The following SNTG1 variants were observed in gnomAD, a reference collection of about 807,000 sequenced individuals.
SNTG1 encodes gamma-1-syntrophin.
SNTG1 carries 39 observed loss-of-function variants against 74.7 expected under a neutral mutation model. The observed-to-expected ratio is 0.52, with a 90% CI of 0.40 to 0.68. The LOEUF is 0.68. SNTG1 is among the 30% of genes least tolerant of loss of function. The pLI, the probability that SNTG1 is intolerant of heterozygous loss-of-function variation, is 0.00. For missense variants in SNTG1, 685 were observed against 609.5 expected (o/e 1.12, Z -1.30); for synonymous variants, 254 against 217.1 (o/e 1.17, Z -1.49).
intron 8 of SNTG1, among the ~76,000 whole-genome samples, chr8:50,464,350 T>A (rs1417308029): frequency 1.3e-5 from 2 of 152,130 alleles, no homozygotes; most frequent in Non-Finnish European, 2.9e-5. Context: ...CCTCACTAAG[T>A]TTAATAAGTT....
intron 2 of SNTG1, among the ~76,000 whole-genome samples, chr8:50,200,259 G>A (rs1043695039): frequency 2.6e-5 from 4 of 152,126 alleles, no homozygotes; most frequent in Non-Finnish European, 4.4e-5. Flanking sequence ...TCCAAGGGTC[G>A]CATTGAGCAA....
intron 9 of SNTG1, among the ~76,000 whole-genome samples, chr8:50,521,545 C>G (rs1585560558): frequency 6.6e-6 from 1 of 152,254 alleles, no homozygotes; most frequent in South Asian, 2.1e-4. Flanking sequence ...TTTGGAATGG[C>G]TATGACAATT....
intron 2 of SNTG1, among the ~76,000 whole-genome samples, chr8:50,237,032 A>G (rs573689409): frequency 4.1e-4 from 62 of 152,316 alleles, no homozygotes; most frequent in African/African-American, 1.4e-3. Flanking sequence ...AATTTCCCCA[A>G]TTGTTACAGA....
At chr8:50,321,493 CTA>C (rs2090527774) in intron 2 of SNTG1, among the ~76,000 whole-genome samples, 1 of 152,034 alleles carries the variant, frequency 6.6e-6, no homozygotes, top group Admixed American at 6.6e-5. Context: ...TTTAGCCACT[CTA>C]TGTCTTTTGA....
intron 2 of SNTG1, among the ~76,000 whole-genome samples, chr8:50,237,908 G>A (rs1414295534): frequency 6.6e-6 from 1 of 152,012 alleles, no homozygotes; most frequent in East Asian, 1.9e-4. Context: ...GGGCACTCTG[G>A]CTACTCATTA....
intron 1 of SNTG1, among the ~76,000 whole-genome samples, chr8:50,128,097 T>C (rs1693003428): frequency 6.6e-6 from 1 of 152,154 alleles, no homozygotes; most frequent in Admixed American, 6.6e-5. Flanking sequence ...GTTTCTAATG[T>C]AGCACTCTAA....
intron 1 of SNTG1, among the ~76,000 whole-genome samples, chr8:50,033,429 A>T (rs1300496693): frequency 6.6e-6 from 1 of 152,106 alleles, no homozygotes; most frequent in Non-Finnish European, 1.5e-5. Context: ...CAGCCAATTT[A>T]TTATTCTTAA....
At chr8:50,787,148 A>G (rs929654100) in intron 18 of SNTG1, among the ~76,000 whole-genome samples, 2 of 151,916 alleles carry the variant, frequency 1.3e-5, no homozygotes, top group African/African-American at 4.8e-5. Flanking sequence ...GAAAAGAAAC[A>G]TAAATACCCC....
chr8:50,270,508 ATC>A (rs1461415534), intron 2 of SNTG1, among the ~76,000 whole-genome samples: 1 of 152,196 alleles, frequency 6.6e-6, no homozygotes, highest in African/African-American at 2.4e-5. Flanking sequence ...TCAGAGAGGT[ATC>A]TCATAATTTT....
chr8:50,472,734 A>C (rs554433316), intron 8 of SNTG1, among the ~76,000 whole-genome samples: 6 of 152,234 alleles, frequency 3.9e-5, no homozygotes, highest in African/African-American at 1.4e-4. Context: ...GAAAAAGGCA[A>C]CCTATGGAAT....
intron 13 of SNTG1, among the ~76,000 whole-genome samples, chr8:50,607,806 T>TAA (rs1563641363): frequency 6.6e-6 from 1 of 151,682 alleles, no homozygotes; most frequent in African/African-American, 2.4e-5. Flanking sequence ...AAATGTAACA[T>TAA]AAGTTTTACA....
intron 1 of SNTG1, among the ~76,000 whole-genome samples, chr8:50,114,820 G>T (rs369856709): frequency 6.6e-6 from 1 of 152,058 alleles, no homozygotes; most frequent in African/African-American, 2.4e-5. Context: ...AGCCGAGATC[G>T]TGCCAATGCA....
At chr8:50,753,149 A>G (rs2095571858) in intron 18 of SNTG1, among the ~76,000 whole-genome samples, 1 of 151,862 alleles carries the variant, frequency 6.6e-6, no homozygotes, top group East Asian at 1.9e-4. Context: ...ACAAGTTTTT[A>G]GCTTACATTT....
chr8:50,188,320 C>A (rs1213241869), intron 2 of SNTG1, among the ~76,000 whole-genome samples: 1 of 152,134 alleles, frequency 6.6e-6, no homozygotes, highest in African/African-American at 2.4e-5. Flanking sequence ...CTTTAGCCCT[C>A]TCTGCTTCCA....
At chr8:50,131,315 G>C (rs1004176155) in intron 1 of SNTG1, among the ~76,000 whole-genome samples, 14 of 152,074 alleles carry the variant, frequency 9.2e-5, no homozygotes, top group African/African-American at 3.1e-4. Context: ...TTTTTTTGCA[G>C]CTTTTTTGGA....
intron 1 of SNTG1, among the ~76,000 whole-genome samples, chr8:49,987,798 G>A (rs207469141): frequency 7.2e-5 from 11 of 151,744 alleles, no homozygotes; most frequent in Admixed American, 1.3e-4. Flanking sequence ...ACAGGCGCCC[G>A]CCACCATGCC....
At position 49,948,952 on chromosome 8, in the gene SNTG1, T is replaced by A. The variant is rs73569336; in HGVS notation, c.-103+36721T>A. Among the ~76,000 whole-genome samples, 685 of 152,328 alleles carry A rather than the reference T, an allele frequency of 4.5e-3. 8 individuals carry two copies. The highest frequency in any genetic ancestry group is 0.016 in the African/African-American group (660 of 41,586). Reference sequence around the variant, plus strand: ...CCCTGATCTTTGCCACCCTTCTCTTTAAGTGCTGCAGAGCTTCTGAGATCA... The same window carrying A: ...CCCTGATCTTTGCCACCCTTCTCTTAAAGTGCTGCAGAGCTTCTGAGATCA... On this transcript the variant is annotated intron_variant, in intron 1 of 18. Transcript: ENST00000642720.
chr8:50,062,744 C>T (rs1232002872), intron 1 of SNTG1, among the ~76,000 whole-genome samples: 1 of 152,080 alleles, frequency 6.6e-6, no homozygotes, highest in Non-Finnish European at 1.5e-5. Context: ...AGATAATTTG[C>T]CCACAAACAA....
At chr8:50,527,235 T>C (rs538246872) in intron 9 of SNTG1, among the ~76,000 whole-genome samples, 1 of 152,306 alleles carries the variant, frequency 6.6e-6, no homozygotes, top group African/African-American at 2.4e-5. Context: ...AAATATTATC[T>C]ATATAAGCCT....
Sources: gnomAD v4.1 joint callset for allele counts (sites outside exome capture counted in the v4.1 genomes callset) on GRCh38, gnomAD v4.1.1 for gene constraint, MANE v1.5 for transcripts, NCBI Gene and HGNC (gene_info 2026-07-23, HGNC 2026-07-21) for gene names.